Variants in FHIT observed in about 807,000 individuals in gnomAD.
FHIT encodes the protein fragile histidine triad diadenosine triphosphatase, also known as bis(5'-adenosyl)-triphosphatase.
A neutral mutation model predicts 17.9 loss-of-function variants in FHIT; 19 were observed. The observed-to-expected ratio is 1.06, with a 90% confidence interval of 0.74 to 1.56. The LOEUF (loss-of-function observed/expected upper bound fraction) is 1.56, where lower values mean the gene tolerates loss of function less well. Among genes scored for constraint, FHIT ranks in the 40% most tolerant of loss-of-function variants. FHIT has a pLI of 0.00. For synonymous variants in FHIT, 81 were observed against 69.7 expected (o/e 1.16, Z -0.81); for missense variants, 248 against 189.2 (o/e 1.31, Z -1.82).
chr3:60,062,336 C>T (rs1702326044), intron 5 of FHIT, among the ~76,000 whole-genome samples: 1 of 152,080 alleles, frequency 6.6e-6, no homozygotes, highest in Non-Finnish European at 1.5e-5. Context: ...GCTCAGGATT[C>T]AATGATAATG....
intron 5 of FHIT, among the ~76,000 whole-genome samples, chr3:60,179,566 T>A (rs1701831846): frequency 6.6e-6 from 1 of 151,412 alleles, no homozygotes; most frequent in Non-Finnish European, 1.5e-5. Context: ...GGATGTGCCA[T>A]TTTTTTTTAA....
intron 7 of FHIT, among the ~76,000 whole-genome samples, chr3:59,948,199 C>T (rs1378439665): frequency 6.6e-6 from 1 of 151,818 alleles, no homozygotes; most frequent in Admixed American, 6.6e-5. Context: ...GATAAGTATA[C>T]GTTTGGTTTT....
chr3:61,216,440 T>G (rs995810255), intron 1 of FHIT, among the ~76,000 whole-genome samples: 1 of 152,054 alleles, frequency 6.6e-6, no homozygotes, highest in African/African-American at 2.4e-5. Flanking sequence ...AAAACCACAA[T>G]GAGATACCAT....
chr3:61,049,306 T>G lies in FHIT; in HGVS notation c.-163-7207A>C, dbSNP rs939686013. 2.6e-5 allele frequency among the ~76,000 whole-genome samples: 4 copies of G among 151,852 alleles called. No homozygotes were observed. The East Asian group carries it at 7.8e-4, about 30-fold the overall frequency. ...ATTAAAATATGATAAACAATTAATT[T>G]CCTGCCTATGTGAACTGTATATCAG... On this transcript the variant is annotated intron_variant, in intron 2 of 9. Transcript: ENST00000492590.
intron 5 of FHIT, chr3:60,077,451 G>A (rs1300254532): frequency 6.6e-6 from 1 of 151,776 alleles, no homozygotes; most frequent in Non-Finnish European, 1.5e-5. Flanking sequence ...TGGAGAAGTG[G>A]TTGGCTCCAT....
rs78008409 is a variant in FHIT, at chr3:60,026,448, T to C, written c.104-12296A>G. On this transcript the variant is annotated intron_variant, in intron 5 of 9. Coordinates refer to ENST00000492590, the MANE Select transcript of FHIT (RefSeq NM_002012.4). Reference sequence around the variant, plus strand: ...TTATCGTTTGGAACCCAGATCTTCATTCATCTCATGTTTAAAATGTCTGTA... The same window carrying C: ...TTATCGTTTGGAACCCAGATCTTCACTCATCTCATGTTTAAAATGTCTGTA... 1.1e-4 allele frequency among the ~76,000 whole-genome samples: 17 copies of C among 152,294 alleles called. No individual in the cohort carries two copies. In the East Asian group the frequency reaches 3.3e-3, roughly 29 times the overall value.
chr3:60,171,712 T>C (rs138203927), intron 5 of FHIT, among the ~76,000 whole-genome samples: 793 of 152,228 alleles, frequency 5.2e-3, no homozygotes, highest in African/African-American at 0.018. Context: ...CATTCATTCG[T>C]TTTTTTGGAG....
intron 8 of FHIT, among the ~76,000 whole-genome samples, chr3:59,904,565 C>A (rs780935): frequency 0.095 from 14,468 of 152,200 alleles, 772 homozygotes; most frequent in Non-Finnish European, 0.12. Flanking sequence ...AAGCTGGGAA[C>A]CCCTGGCCAG....
At chr3:60,221,892 G>C (rs538162222) in intron 5 of FHIT, among the ~76,000 whole-genome samples, 27 of 151,734 alleles carry the variant, frequency 1.8e-4, no homozygotes, top group African/African-American at 6.6e-4. Flanking sequence ...GCCTAGTAGA[G>C]TGAAATTAGT....
intron 8 of FHIT, among the ~76,000 whole-genome samples, chr3:59,883,696 T>G (rs975437661): frequency 1.3e-5 from 2 of 152,240 alleles, no homozygotes; most frequent in African/African-American, 4.8e-5. Context: ...ACCGCACGTC[T>G]CTTTCCAAGT....
At chr3:60,491,988 G>A (rs758595300) in intron 5 of FHIT, among the ~76,000 whole-genome samples, 13 of 152,090 alleles carry the variant, frequency 8.5e-5, no homozygotes, top group Admixed American at 5.2e-4. Flanking sequence ...TTCTAACCTC[G>A]TTTATGTGAA....
rs372502120 is a variant in FHIT, at chr3:60,461,678, A to T, written c.103+75182T>A. 3.3e-5 allele frequency among the ~76,000 whole-genome samples: 5 copies of T among 152,258 alleles called. No individual in the cohort carries two copies. The East Asian group carries it at 9.7e-4, about 29-fold the overall frequency. ...CTTTTTTCTTCTGCAAGTTACTTCC[A>T]TGCTTGCTTATTAAGCATTCCAAGT... is the stretch of plus-strand genomic sequence containing the variant. On this transcript the variant is annotated intron_variant, in intron 5 of 9. Transcript: ENST00000492590.
At chr3:61,204,207 A>C (rs2039129559) in intron 1 of FHIT, among the ~76,000 whole-genome samples, 1 of 152,240 alleles carries the variant, frequency 6.6e-6, no homozygotes, top group South Asian at 2.1e-4. Flanking sequence ...GAAAGGGAAG[A>C]AATTTACACA....
At chr3:60,257,533 C>T (rs1021563756) in intron 5 of FHIT, among the ~76,000 whole-genome samples, 2 of 152,142 alleles carry the variant, frequency 1.3e-5, no homozygotes, top group African/African-American at 4.8e-5. Context: ...ATAATAGCTG[C>T]TGTGGATGCC....
intron 8 of FHIT, among the ~76,000 whole-genome samples, chr3:59,882,452 A>T (rs1703448092): frequency 7.1e-6 from 1 of 141,310 alleles, no homozygotes; most frequent in Non-Finnish European, 1.5e-5. Flanking sequence ...AGCAGAGCAG[A>T]CTGTAATTGA....
At chr3:60,201,989 C>T (rs1702933340) in intron 5 of FHIT, among the ~76,000 whole-genome samples, 1 of 152,126 alleles carries the variant, frequency 6.6e-6, no homozygotes, top group African/African-American at 2.4e-5. Flanking sequence ...CAGGATTGCC[C>T]ACATATGTCT....
intron 5 of FHIT, among the ~76,000 whole-genome samples, chr3:60,381,236 G>C (rs1700787265): frequency 6.6e-6 from 1 of 152,148 alleles, no homozygotes; most frequent in South Asian, 2.1e-4. Flanking sequence ...CCAGCACTTT[G>C]GGAGGCTGAG....
At chr3:59,850,784 G>T (rs1201072302) in intron 8 of FHIT, among the ~76,000 whole-genome samples, 1 of 152,188 alleles carries the variant, frequency 6.6e-6, no homozygotes, top group Non-Finnish European at 1.5e-5. Context: ...TGCCACAAAA[G>T]CAAGAGTCTT....
chr3:60,437,234 G>A (rs540851694), intron 5 of FHIT, among the ~76,000 whole-genome samples: 1 of 152,100 alleles, frequency 6.6e-6, no homozygotes, highest in African/African-American at 2.4e-5. Context: ...AAGACTGCTG[G>A]AGCCAGGCAA....
Sources: gnomAD v4.1 joint callset for allele counts (sites outside exome capture counted in the v4.1 genomes callset) on GRCh38, gnomAD v4.1.1 for gene constraint, MANE v1.5 for transcripts, NCBI Gene and HGNC (gene_info 2026-07-23, HGNC 2026-07-21) for gene names.